The following NDUFA10 variants were observed in gnomAD, a reference collection of about 807,000 sequenced individuals.
The protein encoded by NDUFA10 is NADH:ubiquinone oxidoreductase subunit A10.
NDUFA10 carries 40 observed loss-of-function variants against 47.8 expected under a neutral mutation model. The ratio of observed to expected loss-of-function variants is 0.84; its 90% CI spans 0.65 to 1.09. The LOEUF is 1.09. Ranked by LOEUF, NDUFA10 falls within the 50% of genes least tolerant of loss-of-function variation. The pLI is 0.00. For synonymous variants in NDUFA10, 183 were observed against 172.2 expected (o/e 1.06, Z -0.49); for missense variants, 413 against 451.1 (o/e 0.92, Z 0.76).
At chr2:239,985,800 A>C (rs1428893099) in intron 9 of NDUFA10, among the ~76,000 whole-genome samples, 1 of 151,754 alleles carries the variant, frequency 6.6e-6, no homozygotes, top group Admixed American at 6.6e-5. Flanking sequence ...AGTCCCAACT[A>C]CTCGGGAGGC....
At chr2:240,017,003 T>C (rs1403626480) in intron 4 of NDUFA10, among the ~76,000 whole-genome samples, 17 of 151,912 alleles carry the variant, frequency 1.1e-4, no homozygotes, top group Admixed American at 9.2e-4. Flanking sequence ...CACCCAGGCC[T>C]GCCCAGTGTC....
At chr2:240,020,849 A>C (rs980443212) in intron 3 of NDUFA10, among the ~76,000 whole-genome samples, 2 of 152,178 alleles carry the variant, frequency 1.3e-5, no homozygotes, top group African/African-American at 4.8e-5. Flanking sequence ...CACAGTCTTC[A>C]TAAGTGTGAT....
chr2:239,973,573 C>T (rs890337178), intron 9 of NDUFA10: 5 of 470,902 alleles, frequency 1.1e-5, no homozygotes, highest in East Asian at 6.9e-5. Flanking sequence ...AAGGAGGGAA[C>T]GATCAGCTTC....
intron 4 of NDUFA10, among the ~76,000 whole-genome samples, chr2:239,899,383 GGGTGTGGTGGAGAGGTATGATGCAGA>G (rs1423109453): frequency 1.7e-5 from 2 of 114,502 alleles, no homozygotes; most frequent in African/African-American, 6.0e-5. Context: ...GGGTGTGGAG[GGGTGTGGTGGAGAGGTATGATGCAGA>G]GGTGTGATGG....
chr2:239,915,025 C>CACAA (rs144335656), intron 4 of NDUFA10, among the ~76,000 whole-genome samples: 20,023 of 142,178 alleles, frequency 0.14, 1,981 homozygotes, highest in African/African-American at 0.17. Flanking sequence ...CACAGAGATA[C>CACAA]ACATACACAC....
intron 4 of NDUFA10, among the ~76,000 whole-genome samples, chr2:239,924,806 T>C (rs940725436): frequency 2.0e-5 from 3 of 152,208 alleles, no homozygotes; most frequent in South Asian, 2.1e-4. Flanking sequence ...TACATAGAAA[T>C]TATCTCCCCT....
intron 2 of NDUFA10, 77 bp downstream of exon 2, chr2:240,022,095 T>C: frequency 7.7e-7 from 1 of 1,293,980 alleles, no homozygotes; most frequent in South Asian, 1.6e-5. Context: ...TTAATATTAA[T>C]ATTGAAGAAA....
intron 4 of NDUFA10, among the ~76,000 whole-genome samples, chr2:239,935,618 G>T (rs1252451478): frequency 1.3e-5 from 2 of 152,202 alleles, no homozygotes; most frequent in Non-Finnish European, 2.9e-5. Context: ...ATCTCATCTG[G>T]AATTGTAGCT....
chr2:239,940,545 T>C (rs1454824047), intron 4 of NDUFA10, among the ~76,000 whole-genome samples: 1 of 152,254 alleles, frequency 6.6e-6, no homozygotes. Flanking sequence ...AGTAAATTTC[T>C]ACACAGATCC....
intron 4 of NDUFA10, among the ~76,000 whole-genome samples, chr2:239,910,475 C>T (rs1176045218): frequency 6.6e-6 from 1 of 152,114 alleles, no homozygotes; most frequent in Admixed American, 6.5e-5. Flanking sequence ...AACAGAAAAC[C>T]AAACACCACA....
chr2:240,020,505 G>A (rs1239768444), intron 3 of NDUFA10, among the ~76,000 whole-genome samples: 3 of 152,150 alleles, frequency 2.0e-5, no homozygotes, highest in Non-Finnish European at 4.4e-5. Flanking sequence ...ACAGTAACCC[G>A]TCGCTGGACC....
intron 9 of NDUFA10, chr2:239,983,402 T>G: frequency 1.4e-6 from 2 of 1,430,706 alleles, no homozygotes; most frequent in Non-Finnish European, 1.9e-6. Flanking sequence ...ATTCTATGAA[T>G]TTCCAGAAAT....
intron 4 of NDUFA10, among the ~76,000 whole-genome samples, chr2:239,927,311 A>C (rs1004603763): frequency 6.6e-6 from 1 of 152,250 alleles, no homozygotes; most frequent in Non-Finnish European, 1.5e-5. Context: ...ATTATAAAAG[A>C]GTCAGAAAGT....
intron 9 of NDUFA10, among the ~76,000 whole-genome samples, chr2:239,962,521 A>G (rs1393209798): frequency 2.0e-5 from 3 of 152,186 alleles, no homozygotes; most frequent in Non-Finnish European, 4.4e-5. Context: ...AAGGCCCAGG[A>G]GCCACCCTTC....
chr2:240,011,591 G>A, intron 6 of NDUFA10, 26 bp downstream of exon 6: 2 of 1,582,862 alleles, frequency 1.3e-6, no homozygotes, highest in Admixed American at 1.7e-5. Flanking sequence ...TTTTAGCCCT[G>A]TAAATCAGTC....
chr2:239,955,639 G>C (rs540101616), downstream of NDUFA10, among the ~76,000 whole-genome samples: 1 of 152,326 alleles, frequency 6.6e-6, no homozygotes, highest in Non-Finnish European at 1.5e-5. Flanking sequence ...GCCTCTGTGT[G>C]TGGGTTGCTG....
intron 9 of NDUFA10, 25 bp from the exon 10 acceptor site, chr2:239,961,211 C>G (rs763978839): frequency 1.2e-6 from 2 of 1,614,112 alleles, no homozygotes; most frequent in Non-Finnish European, 1.7e-6. Flanking sequence ...GGCATTGGTG[C>G]ATTCTGTTTA....
In NDUFA10 at chr2:239,899,074, ATGGAGGAGTGTGGAGGGGTGTGG is replaced by A. The variant is rs1559259872; in HGVS notation, c.295-3783_295-3761del. On this transcript the variant is annotated intron_variant, in intron 4 of 5. Transcript: ENST00000419408. ...TGGAGGAGTGTGATGGAGGGGTGTGATGGAGGAGTGTGGAGGGGTGTGGTGGAGGGGTGTGACGGAGGGGTGTG... is the reference window on the plus strand; with the variant it reads ...TGGAGGAGTGTGATGGAGGGGTGTGATGGAGGGGTGTGACGGAGGGGTGTG... Among the ~76,000 whole-genome samples the A allele has an allele frequency of 2.8e-3, 43 of 15,130 alleles. 8 individuals are homozygous for A. Among genetic ancestry groups the A allele is most frequent in the Middle Eastern group, 0.033 (1 of 30 alleles). 9.9% of individuals were successfully genotyped at this position (15,130 alleles called of 152,430 possible).
At chr2:239,921,777 G>A (rs941498380) in intron 4 of NDUFA10, among the ~76,000 whole-genome samples, 4 of 152,124 alleles carry the variant, frequency 2.6e-5, no homozygotes, top group African/African-American at 9.7e-5. Context: ...AGTTCCCTCT[G>A]GGTGAGGCCT....
Sources: allele counts gnomAD v4.1 joint callset (sites outside exome capture counted in the v4.1 genomes callset), GRCh38; gene constraint gnomAD v4.1.1; transcripts MANE v1.5; gene names NCBI Gene and HGNC (gene_info 2026-07-23, HGNC 2026-07-21).